RBM6: variants seen among roughly 807,000 people sequenced by gnomAD.
RBM6 encodes the protein RNA binding motif protein 6, also known as RNA-binding protein 6.
RBM6 carries 23 observed loss-of-function variants against 140.4 expected under a neutral mutation model. The ratio of observed to expected loss-of-function variants is 0.16; its 90% CI spans 0.12 to 0.23. The LOEUF (loss-of-function observed/expected upper bound fraction) is 0.23. Among genes scored for constraint, RBM6 ranks in the 10% least tolerant of loss-of-function variants. The probability of loss-of-function intolerance (pLI) is 1.00; values close to 1 mark genes in which losing one functional copy is unlikely to be tolerated. For missense variants in RBM6, 1,139 were observed against 1,386.7 expected (o/e 0.82, Z 2.84); for synonymous variants, 439 against 475.6 (o/e 0.92, Z 1.00).
intron 5 of RBM6, among the ~76,000 whole-genome samples, chr3:49,986,594 C>CAA (rs377686651): frequency 8.7e-6 from 1 of 114,546 alleles, no homozygotes. Context: ...GACTCCGTCT[C>CAA]AAAAAAAAAA....
chr3:50,065,732 T>G (rs1419215763), intron 16 of RBM6: 5 of 438,994 alleles, frequency 1.1e-5, no homozygotes, highest in Non-Finnish European at 2.3e-5. Flanking sequence ...GGTACCCTTT[T>G]CCTGCTCCGC....
At chr3:50,041,047 A>G (rs889543433) in intron 6 of RBM6, among the ~76,000 whole-genome samples, 3 of 152,168 alleles carry the variant, frequency 2.0e-5, no homozygotes, top group Non-Finnish European at 4.4e-5. Flanking sequence ...AGAGAACACA[A>G]ATAAGATTTT....
At chr3:49,993,232 A>G (rs2085908492) in intron 5 of RBM6, among the ~76,000 whole-genome samples, 1 of 152,238 alleles carries the variant, frequency 6.6e-6, no homozygotes, top group South Asian at 2.1e-4. Context: ...AGGAACCATC[A>G]TCAAGATGGA....
At chr3:49,994,758 G>GA (rs908339063) in intron 5 of RBM6, among the ~76,000 whole-genome samples, 13 of 149,580 alleles carry the variant, frequency 8.7e-5, no homozygotes, top group African/African-American at 1.2e-4. Context: ...AAAGAAAGGA[G>GA]AAAAAAAAAC....
chr3:49,952,455 G>A (rs2083777798), intron 1 of RBM6, among the ~76,000 whole-genome samples: 2 of 151,502 alleles, frequency 1.3e-5, no homozygotes, highest in South Asian at 4.2e-4. Context: ...CATGAGCACT[G>A]TGCCCAGCCA....
intron 6 of RBM6, among the ~76,000 whole-genome samples, chr3:50,009,257 C>T (rs908011130): frequency 1.3e-5 from 2 of 152,188 alleles, no homozygotes; most frequent in Non-Finnish European, 2.9e-5. Flanking sequence ...AGCATTCAGG[C>T]ATGTGAGGGC....
chr3:50,035,480 A>G (rs139919899), intron 6 of RBM6, among the ~76,000 whole-genome samples: 1,526 of 152,094 alleles, frequency 0.01, 33 homozygotes, highest in African/African-American at 0.034. Flanking sequence ...CAGAAGATCG[A>G]GACCATCCTG....
intron 19 of RBM6, among the ~76,000 whole-genome samples, chr3:50,072,826 T>C (rs1488512281): frequency 6.6e-6 from 1 of 152,182 alleles, no homozygotes; most frequent in Non-Finnish European, 1.5e-5. Context: ...ACCTTGGCCT[T>C]GAGTCTTCTG....
chr3:49,992,676 G>A (rs1044380414), intron 5 of RBM6, among the ~76,000 whole-genome samples: 5 of 152,158 alleles, frequency 3.3e-5, no homozygotes, highest in Admixed American at 2.0e-4. Flanking sequence ...CTTTTCTTGT[G>A]TGTTATTCTA....
intron 1 of RBM6, among the ~76,000 whole-genome samples, chr3:49,954,873 C>T (rs555135609): frequency 6.6e-6 from 1 of 152,000 alleles, no homozygotes; most frequent in African/African-American, 2.4e-5. Context: ...ATTCTCCTGC[C>T]TCAGCCTCCC....
In RBM6 at chr3:50,058,466, C is replaced by T. The variant is rs780530602; in HGVS notation, c.2034C>T (p.Pro678=). ...AGGTGATAGTGGAAGTGCTGGAGCC[C>T]TATGTCCGCCTTACTACTGCCAACG... ...PPEVIVEVLE[P]YVRLTTANVR... Residue 678 remains proline, a synonymous_variant, in exon 10 of 21, where the codon CCC becomes CCT. Coordinates refer to ENST00000266022, the MANE Select transcript of RBM6 (RefSeq NM_005777.3). The T allele has an allele frequency of 6.2e-7, 1 of 1,605,718 alleles. No homozygotes were observed. The highest frequency in any genetic ancestry group is 1.7e-5 in the Admixed American group (1 of 60,002).
At chr3:50,016,975 G>C (rs1248954339) in intron 6 of RBM6, among the ~76,000 whole-genome samples, 1 of 151,956 alleles carries the variant, frequency 6.6e-6, no homozygotes, top group Non-Finnish European at 1.5e-5. Context: ...ACAGGCATGT[G>C]CCACCACACC....
intron 6 of RBM6, among the ~76,000 whole-genome samples, chr3:50,027,343 A>G (rs1419052603): frequency 2.6e-5 from 4 of 152,202 alleles, no homozygotes; most frequent in Non-Finnish European, 5.9e-5. Flanking sequence ...TAATTGAGGT[A>G]TAATCCACAT....
chr3:50,072,791 G>A (rs1488046010), intron 19 of RBM6, among the ~76,000 whole-genome samples: 1 of 152,184 alleles, frequency 6.6e-6, no homozygotes, highest in Admixed American at 6.5e-5. Context: ...ACTAGGTGAA[G>A]GAGTCAGCCA....
At chr3:50,054,675 G>A (rs1206316116) in intron 8 of RBM6, among the ~76,000 whole-genome samples, 5 of 151,752 alleles carry the variant, frequency 3.3e-5, no homozygotes, top group East Asian at 1.9e-4. Flanking sequence ...CCTGTAGCCC[G>A]GCTAATTTTT....
At chr3:50,027,678 A>C (rs2087919446) in intron 6 of RBM6, among the ~76,000 whole-genome samples, 1 of 152,210 alleles carries the variant, frequency 6.6e-6, no homozygotes, top group Non-Finnish European at 1.5e-5. Context: ...TACTTAAATC[A>C]TTTATAGGGT....
At chr3:49,957,888 A>G (rs939412767) in intron 1 of RBM6, among the ~76,000 whole-genome samples, 3 of 150,908 alleles carry the variant, frequency 2.0e-5, no homozygotes, top group Non-Finnish European at 2.9e-5. Flanking sequence ...CTGGAGTGCA[A>G]TGGCGCAATC....
chr3:49,999,556 T>G (rs1417509894), intron 6 of RBM6, 43 bp downstream of exon 6: 3 of 1,464,346 alleles, frequency 2.0e-6, no homozygotes, highest in Non-Finnish European at 2.9e-6. Flanking sequence ...AGGATATATT[T>G]TTTTATATAT....
chr3:50,075,189 C>A lies in RBM6; in HGVS notation c.3117-12C>A. 1 of 1,604,506 alleles carries A rather than the reference C, an allele frequency of 6.2e-7. No individual in the cohort carries two copies. The highest frequency in any genetic ancestry group is 2.2e-5 in the East Asian group (1 of 44,802). ...AAAAAAAAGGAAGTGATGGTGTCTG[C>A]TTCTTTTGCAGTGATCGTAAACTTG... is the stretch of plus-strand genomic sequence containing the variant. On this transcript the variant is annotated splice_polypyrimidine_tract_variant and intron_variant, in intron 19 of 20. Transcript: ENST00000266022.
Sources: gnomAD v4.1 joint callset for allele counts (sites outside exome capture counted in the v4.1 genomes callset) on GRCh38, gnomAD v4.1.1 for gene constraint, MANE v1.5 for transcripts, NCBI Gene and HGNC (gene_info 2026-07-23, HGNC 2026-07-21) for gene names.